IFT140: variants seen among roughly 807,000 people sequenced by gnomAD.
The protein encoded by IFT140 is intraflagellar transport protein 140 homolog.
In IFT140, 133 loss-of-function variants were observed where a neutral mutation model predicts 164.6. The observed-to-expected ratio is 0.81, with a 90% CI of 0.70 to 0.93. The LOEUF (loss-of-function observed/expected upper bound fraction) is 0.93, where lower values mean the gene tolerates loss of function less well. Among genes scored for constraint, IFT140 ranks in the 40% least tolerant of loss-of-function variants. The probability of loss-of-function intolerance (pLI) is 0.00; values close to 1 mark genes in which losing one functional copy is unlikely to be tolerated. For synonymous variants in IFT140, 860 were observed against 817.3 expected (o/e 1.05, Z -0.89); for missense variants, 2,045 against 1,972.3 (o/e 1.04, Z -0.70).
Position 1,557,875 on chromosome 16 carries a change from GA to G in IFT140, c.2399+59del, listed in dbSNP as rs1259864767. 1.9e-5 allele frequency: 29 copies of G among 1,526,120 alleles called. No individual in the cohort carries two copies. The East Asian group carries it at 5.2e-4, about 27-fold the overall frequency. The allele number at this position is 1,526,120 out of a possible 1,614,324, so 94.5% of individuals were successfully genotyped here. On this transcript the variant is annotated intron_variant, in intron 19 of 30. Coordinates refer to ENST00000426508, the MANE Select transcript of IFT140 (RefSeq NM_014714.4). ...GGCGAACCAAGAAGGCAAACAGGGA[GA>G]AAGGAAAGAGCCGTGAGCACGCGCT...
chr16:1,518,042 C>T (rs764843337), intron 30 of IFT140, 174 bp downstream of exon 30: 202 of 578,958 alleles, frequency 3.5e-4, no homozygotes, highest in Admixed American at 2.6e-4. Context: ...TTCACCATGT[C>T]GCCCAGGCTG....
chr16:1,544,832 T>TA (rs1003856422), intron 19 of IFT140, among the ~76,000 whole-genome samples: 3 of 151,642 alleles, frequency 2.0e-5, no homozygotes, highest in African/African-American at 7.3e-5. Context: ...GTATTTTTAG[T>TA]AGAGACGGGG....
At chr16:1,577,349 C>T (rs2034328586) in intron 13 of IFT140, 1 of 152,152 alleles carries the variant, frequency 6.6e-6, no homozygotes, top group South Asian at 2.1e-4. Context: ...CATTTTCTTT[C>T]CTCTAGCTTA....
At chr16:1,584,589 G>A (rs1423273281) in intron 10 of IFT140, among the ~76,000 whole-genome samples, 169 bp from the exon 11 acceptor site, 1 of 152,216 alleles carries the variant, frequency 6.6e-6, no homozygotes, top group Admixed American at 6.5e-5. Flanking sequence ...GTCTTATAAA[G>A]GTAAAGAGTA....
At chr16:1,529,614 G>A (rs1022895321) in intron 19 of IFT140, among the ~76,000 whole-genome samples, 21 of 152,224 alleles carry the variant, frequency 1.4e-4, no homozygotes, top group African/African-American at 4.6e-4. Context: ...CCCTCAGGCT[G>A]TGCTGCCCTC....
At chr16:1,594,369 C>T (rs1463630056) in intron 4 of IFT140, among the ~76,000 whole-genome samples, 1 of 152,052 alleles carries the variant, frequency 6.6e-6, no homozygotes, top group Non-Finnish European at 1.5e-5. Flanking sequence ...TACAGATGCT[C>T]ACCACCACAG....
chr16:1,552,173 T>C (rs754072548), intron 19 of IFT140, among the ~76,000 whole-genome samples: 1 of 152,122 alleles, frequency 6.6e-6, no homozygotes, highest in Non-Finnish European at 1.5e-5. Flanking sequence ...AAAGGAAGCC[T>C]GGTGAGGGGG....
In IFT140 at chr16:1,510,712, T is replaced by A; in HGVS notation, c.*232A>T. On this transcript the variant is annotated 3_prime_UTR_variant, in exon 31 of 31. Transcript: ENST00000426508. ...ACCCGACTCCCTTCAAAGGAATGAA[T>A]CCAAAAATCTAGTGGAGCTGCCGGG... The A allele has an allele frequency of 3.4e-6, 2 of 592,874 alleles. No individual in the cohort carries two copies. The highest frequency in any genetic ancestry group is 4.0e-5 in the South Asian group (2 of 49,996). 36.7% of individuals were successfully genotyped at this position (592,874 alleles called of 1,614,324 possible). A position where few individuals can be genotyped will look rare whatever the true frequency, so the allele number is the denominator to read the frequency against.
chr16:1,541,376 G>A (rs1184928791), intron 19 of IFT140: 33 of 985,290 alleles, frequency 3.3e-5, no homozygotes, highest in Non-Finnish European at 4.0e-5. Context: ...GCTTCTCCTC[G>A]GTCCCAAGTC....
intron 12 of IFT140, among the ~76,000 whole-genome samples, chr16:1,582,443 C>T (rs899603331): frequency 2.0e-5 from 3 of 152,178 alleles, no homozygotes; most frequent in African/African-American, 4.8e-5. Flanking sequence ...CCTGCTGACG[C>T]GATCACTTCT....
intron 19 of IFT140, chr16:1,530,676 C>T (rs2030373231): frequency 6.7e-6 from 1 of 149,428 alleles, no homozygotes; most frequent in African/African-American, 2.5e-5. Flanking sequence ...AACGCCCCGT[C>T]TCTCCCACGC....
chr16:1,607,699 A>T (rs2036147027), intron 2 of IFT140, among the ~76,000 whole-genome samples: 1 of 152,214 alleles, frequency 6.6e-6, no homozygotes. Flanking sequence ...GCTGGAGTGC[A>T]GTGGTGTGAT....
At chr16:1,556,834 G>A (rs1470326831) in intron 19 of IFT140, among the ~76,000 whole-genome samples, 1 of 152,176 alleles carries the variant, frequency 6.6e-6, no homozygotes, top group East Asian at 1.9e-4. Context: ...CTTTTGGACG[G>A]AGTCTCACTC....
intron 10 of IFT140, among the ~76,000 whole-genome samples, chr16:1,584,877 T>C (rs755166810): frequency 1.8e-4 from 27 of 152,184 alleles, no homozygotes; most frequent in Non-Finnish European, 2.9e-4. Context: ...TAAAGACCTA[T>C]GCAAAATAGG....
chr16:1,526,292 T>G, intron 20 of IFT140: 2 of 487,888 alleles, frequency 4.1e-6, no homozygotes, highest in Non-Finnish European at 3.6e-6. Flanking sequence ...GTACCCCACC[T>G]CCCACAGCCC....
intron 18 of IFT140, 88 bp downstream of exon 18, chr16:1,561,897 C>G: frequency 7.3e-7 from 1 of 1,361,022 alleles, no homozygotes; most frequent in Non-Finnish European, 9.7e-7. Flanking sequence ...GGCTAACTCA[C>G]ATTTCAGCTC....
chr16:1,588,542 T>A (rs2141868577), intron 7 of IFT140, among the ~76,000 whole-genome samples: 1 of 150,936 alleles, frequency 6.6e-6, no homozygotes. Flanking sequence ...ATAATAATAA[T>A]AATAATAGTA....
chr16:1,528,548 TGCACACACAC>T (rs777547252), intron 19 of IFT140: 261 of 152,380 alleles, frequency 1.7e-3, no homozygotes, highest in Non-Finnish European at 2.5e-3. Context: ...TGCACGCACA[TGCACACACAC>T]GCACACACAT....
At chr16:1,591,507 C>G (rs2035179699) in intron 6 of IFT140, among the ~76,000 whole-genome samples, 1 of 152,258 alleles carries the variant, frequency 6.6e-6, no homozygotes, top group Non-Finnish European at 1.5e-5. Flanking sequence ...CTCCTTTCTC[C>G]CGAGACCCGG....
Sources: gnomAD v4.1 joint callset for allele counts (sites outside exome capture counted in the v4.1 genomes callset) on GRCh38, gnomAD v4.1.1 for gene constraint, MANE v1.5 for transcripts, NCBI Gene and HGNC (gene_info 2026-07-23, HGNC 2026-07-21) for gene names.